The following INCENP variants were observed in gnomAD, a reference collection of about 807,000 sequenced individuals.
INCENP encodes the protein inner centromere protein, also known as binds and activates aurora-B and -C in vivo and in vitro.
A neutral mutation model predicts 107.3 loss-of-function variants in INCENP; 43 were observed. That is an observed-to-expected ratio of 0.40 (90% CI 0.31 to 0.52). The LOEUF (loss-of-function observed/expected upper bound fraction) is 0.52, where lower values mean the gene tolerates loss of function less well. INCENP is among the 20% of genes least tolerant of loss of function. The pLI is 0.53. For synonymous variants in INCENP, 488 were observed against 494.4 expected, an observed-to-expected ratio of 0.99 and a Z score of 0.17; for missense variants, 1,089 against 1,250.9, an observed-to-expected ratio of 0.87 and a Z score of 1.95.
rs1565101668 is a variant in INCENP at position 62,146,797 on chromosome 11, AGGAGCGGCGCGAG to A, written c.2100_2112del (p.Gln700HisfsTer87). ...CGGCGGGAGCAGGAGCGGCGCGAGC[AGGAGCGGCGCGAG>A]CAGGAGCGGCGGGAGCAGGAGCGGC... On this transcript the variant is annotated frameshift_variant, in exon 15 of 19. Coordinates refer to ENST00000394818, the MANE Select transcript of INCENP (RefSeq NM_001040694.2). LOFTEE classifies it high-confidence loss of function. 11 of 1,534,832 alleles carry A rather than the reference AGGAGCGGCGCGAG, an allele frequency of 7.2e-6. No homozygotes were observed. Among genetic ancestry groups the A allele is most frequent in the African/African-American group, 1.4e-5 (1 of 71,582 alleles).
intron 18 of INCENP, 110 bp from the exon 19 acceptor site, chr11:62,151,652 A>C: frequency 5.9e-6 from 5 of 846,066 alleles, no homozygotes; most frequent in Non-Finnish European, 7.6e-6. Flanking sequence ...AGAGGGTGAC[A>C]GAGCTCTCTG....
chr11:62,126,751 A>G (rs1283822157), intron 1 of INCENP, among the ~76,000 whole-genome samples: 1 of 152,216 alleles, frequency 6.6e-6, no homozygotes, highest in African/African-American at 2.4e-5. Flanking sequence ...ATAAAATGAC[A>G]TAGTATTTGC....
rs1792946 is a variant in INCENP, at chr11:62,128,743, G to A, written c.141-27G>A. On this transcript the variant is annotated intron_variant, in intron 2 of 18. Transcript: ENST00000394818. ...GGACCAGTGGTTCCCAGGCAGCCTCGAGTGACACCCTCCTTGTGCCAAACA... is the reference window on the plus strand; with the variant it reads ...GGACCAGTGGTTCCCAGGCAGCCTCAAGTGACACCCTCCTTGTGCCAAACA... 935,250 of 1,534,002 alleles carry A rather than the reference G, an allele frequency of 0.61. 305,108 individuals are homozygous for A. Among genetic ancestry groups the A allele is most frequent in the Non-Finnish European group, 0.68 (758,142 of 1,107,312 alleles).
Position 62,144,957 on chromosome 11 carries a change from T to C in INCENP, c.1606-25T>C, listed in dbSNP as rs773125076. 8 of 1,575,936 alleles carry C rather than the reference T, an allele frequency of 5.1e-6. No individual in the cohort carries two copies. The African/African-American group carries it at 6.8e-5, about 13-fold the overall frequency. On this transcript the variant is annotated intron_variant, in intron 11 of 18. Transcript: ENST00000394818. Reference sequence around the variant, plus strand: ...GGGGGTCGTCCTTGCTCATGTCCCATCTCCCTCGCTCCCCGCCACCCCAGG... The same window carrying C: ...GGGGGTCGTCCTTGCTCATGTCCCACCTCCCTCGCTCCCCGCCACCCCAGG...
Position 62,130,488 on chromosome 11 carries a change from A to C in INCENP, c.961A>C (p.Lys321Gln), listed in dbSNP as rs763956178. Reference protein sequence around the residue: ...SSPSPQVLAQKYSLVAKQESV... With the variant: ...SSPSPQVLAQQYSLVAKQESV... ...CCCGAGTCCCCAAGTCTTAGCCCAG[A>C]AGTACTCTCTGGTGGCCAAACAGGA... The change falls in exon 4 of 19, where the codon AAG (lysine) becomes CAG (glutamine). Residue 321 changes from lysine (K) to glutamine (Q), a missense_variant. Lys to Gln is a moderately conservative substitution (Grantham distance 53). Transcript: ENST00000394818. 1.1e-5 allele frequency: 18 copies of C among 1,613,978 alleles called. No homozygotes were observed. The highest frequency in any genetic ancestry group is 5.1e-6 in the Non-Finnish European group (6 of 1,180,046).
chr11:62,130,302 A>G lies in INCENP; in HGVS notation c.775A>G (p.Ile259Val). The G allele has an allele frequency of 6.2e-7, 1 of 1,611,784 alleles. No individual in the cohort carries two copies. Among genetic ancestry groups the G allele is most frequent in the East Asian group, 2.2e-5 (1 of 44,866 alleles). ...GGGGCGGTCTGCGTCTAAGCTCAGGATTGCGCAGGTCTCCCCTGGCCCACG... is the reference window on the plus strand; with the variant it reads ...GGGGCGGTCTGCGTCTAAGCTCAGGGTTGCGCAGGTCTCCCCTGGCCCACG... The part of the protein sequence containing the change: ...GTGRSASKLR[I>V]AQVSPGPRDS... The change falls in exon 4 of 19, where the codon ATT becomes GTT. Residue 259 changes from isoleucine to valine, a missense_variant. Coordinates refer to ENST00000394818, the MANE Select transcript of INCENP (RefSeq NM_001040694.2).
chr11:62,149,880 C>A (rs1319175733), intron 17 of INCENP, among the ~76,000 whole-genome samples, 177 bp from the exon 18 acceptor site: 1 of 152,094 alleles, frequency 6.6e-6, no homozygotes, highest in Non-Finnish European at 1.5e-5. Flanking sequence ...CGAGATCACA[C>A]CACTGCACTC....
chr11:62,149,470 T>C (rs1170412374), intron 17 of INCENP, among the ~76,000 whole-genome samples: 3 of 152,218 alleles, frequency 2.0e-5, no homozygotes, highest in African/African-American at 4.8e-5. Context: ...GAAGTTAGTA[T>C]GGTATCTGTC....
chr11:62,150,643 G>A (rs555565486), intron 18 of INCENP, among the ~76,000 whole-genome samples: 3 of 152,298 alleles, frequency 2.0e-5, no homozygotes, highest in Non-Finnish European at 2.9e-5. Context: ...CAGCCAGCTC[G>A]GGGAGGCAGG....
rs529409808 is a variant in INCENP at position 62,145,136 on chromosome 11, T to C, written c.1716-33T>C. The C allele has an allele frequency of 1.1e-5, 18 of 1,613,970 alleles. No individual in the cohort carries two copies. The East Asian group carries it at 4.0e-4, about 36-fold the overall frequency. ...GGACTGTGGCCCATCCCAGCCTTGG[T>C]GGGGCTCCCCATGACTATCCTATGC... On this transcript the variant is annotated intron_variant, in intron 12 of 18. Coordinates refer to ENST00000394818, the MANE Select transcript of INCENP (RefSeq NM_001040694.2).
In INCENP at chr11:62,146,875, G is replaced by C. The variant is rs369494048; in HGVS notation, c.2177G>C (p.Arg726Pro). The change falls in exon 15 of 19, where the codon CGG (arginine) becomes CCG (proline). Residue 726 changes from arginine to proline, a missense_variant. Arg to Pro is a moderately radical substitution (Grantham distance 103). Coordinates refer to ENST00000394818, the MANE Select transcript of INCENP (RefSeq NM_001040694.2). Reference protein sequence around the residue: ...ERQLAEQERRREQERLQAERE... With the variant: ...ERQLAEQERRPEQERLQAERE... ...CAGCTGGCAGAGCAGGAGCGTCGGC[G>C]GGAGCAGGAGCGGCTCCAGGCCGAG... The C allele has an allele frequency of 6.3e-7, 1 of 1,597,356 alleles. No homozygotes were observed. Among genetic ancestry groups the C allele is most frequent in the South Asian group, 1.1e-5 (1 of 89,606 alleles).
In INCENP at chr11:62,151,771, T is replaced by C. The variant is rs1944379032; in HGVS notation, c.2552T>C (p.Leu851Pro). 1 of 1,613,878 alleles carries C rather than the reference T, an allele frequency of 6.2e-7. No individual in the cohort carries two copies. The highest frequency in any genetic ancestry group is 8.5e-7 in the Non-Finnish European group (1 of 1,179,994). Residue 851 changes from leucine to proline, a missense_variant, in exon 19 of 19, where the codon CTC becomes CCC. By Grantham distance (98) the Leu-to-Pro change is moderately conservative. Coordinates refer to ENST00000394818, the MANE Select transcript of INCENP (RefSeq NM_001040694.2). Reference sequence around the variant, plus strand: ...CTGTGGTCTCCTGCAGGCACCCCGCTCAGCCAGGCTATCATTCACCAGTAC... The same window carrying C: ...CTGTGGTCTCCTGCAGGCACCCCGCCCAGCCAGGCTATCATTCACCAGTAC... Reference protein sequence around the residue: ...PIPTWARGTPLSQAIIHQYYH... With the variant: ...PIPTWARGTPPSQAIIHQYYH...
chr11:62,145,960 A>C (rs961564586), intron 14 of INCENP, among the ~76,000 whole-genome samples: 1 of 152,220 alleles, frequency 6.6e-6, no homozygotes, highest in Non-Finnish European at 1.5e-5. Flanking sequence ...TTGAGGGTTA[A>C]GTGCTTGTAC....
chr11:62,138,740 G>T lies in INCENP; in HGVS notation c.1143G>T (p.Glu381Asp). Residue 381 changes from glutamate (E) to aspartate (D), a missense_variant, in exon 6 of 19, where the codon GAG becomes GAT. Glu to Asp is a conservative substitution (Grantham distance 45, BLOSUM62 2). Transcript: ENST00000394818. Reference protein sequence around the residue: ...VGSEQKEPPEEAEPVAAAEPE... With the variant: ...VGSEQKEPPEDAEPVAAAEPE... ...CTGAGCAGAAGGAACCCCCCGAGGA[G>T]GCTGAGCCTGTGGCGGCAGCTGAGC... The T allele has an allele frequency of 6.2e-7, 1 of 1,614,136 alleles. No homozygotes were observed. The highest frequency in any genetic ancestry group is 8.5e-7 in the Non-Finnish European group (1 of 1,180,006).
At chr11:62,145,134 G>T (rs1225415542) in intron 12 of INCENP, 35 bp from the exon 13 acceptor site, 1 of 1,614,074 alleles carries the variant, frequency 6.2e-7, no homozygotes, top group African/African-American at 1.3e-5. Context: ...TCCCAGCCTT[G>T]GTGGGGCTCC....
intron 18 of INCENP, among the ~76,000 whole-genome samples, 163 bp from the exon 19 acceptor site, chr11:62,151,599 C>T (rs186460879): frequency 4.0e-4 from 61 of 152,190 alleles, no homozygotes; most frequent in Non-Finnish European, 6.6e-4. Context: ...GACACAAGGG[C>T]GTTCTCTGGG....
At chr11:62,146,599 C>T in intron 14 of INCENP, 59 bp from the exon 15 acceptor site, 2 of 1,542,874 alleles carry the variant, frequency 1.3e-6, no homozygotes, top group Non-Finnish European at 8.7e-7. Flanking sequence ...AGTAGGGCTG[C>T]TGTCCTGCCT....
intron 14 of INCENP, 98 bp downstream of exon 14, chr11:62,145,849 A>T: frequency 7.2e-7 from 1 of 1,380,546 alleles, no homozygotes; most frequent in Non-Finnish European, 9.7e-7. Context: ...TGTGGGGTTG[A>T]CCCAGACCAT....
Position 62,146,736 on chromosome 11 carries a change from G to A in INCENP, c.2038G>A (p.Glu680Lys), listed in dbSNP as rs746133635. 9 of 1,549,766 alleles carry A rather than the reference G, an allele frequency of 5.8e-6. No homozygotes were observed. Among genetic ancestry groups the A allele is most frequent in the East Asian group, 2.4e-5 (1 of 40,888 alleles). The change falls in exon 15 of 19, where the codon GAG becomes AAG. Residue 680 changes from glutamate to lysine, a missense_variant. Physicochemically the swap from Glu to Lys is moderately conservative, Grantham distance 56. Coordinates refer to ENST00000394818, the MANE Select transcript of INCENP (RefSeq NM_001040694.2). ...EEQERLRKAA[E>K]AKRLAEQREQ... ...GCAGGAGCGGCTGCGGAAGGCGGCC[G>A]AGGCTAAGCGGCTGGCAGAGCAGCG...
Sources: allele counts gnomAD v4.1 joint callset (sites outside exome capture counted in the v4.1 genomes callset), GRCh38; gene constraint gnomAD v4.1.1; transcripts MANE v1.5; gene names NCBI Gene and HGNC (gene_info 2026-07-23, HGNC 2026-07-21).